The following MSI2 variants were observed in gnomAD, a reference collection of about 807,000 sequenced individuals.
MSI2 encodes the protein RNA-binding protein Musashi homolog 2.
MSI2 carries 17 observed loss-of-function variants against 45.6 expected under a neutral mutation model. That is an observed-to-expected ratio of 0.37 (90% CI 0.26 to 0.56). The LOEUF is 0.56. MSI2 is among the 20% of genes least tolerant of loss of function. MSI2 has a pLI of 0.77. For synonymous variants in MSI2, 156 were observed against 158.2 expected (o/e 0.99, Z 0.11); for missense variants, 293 against 444.2 (o/e 0.66, Z 3.06).
the MSI2 span, among the ~76,000 whole-genome samples, chr17:57,690,326 G>A: frequency 1.3e-5 from 2 of 151,896 alleles, no homozygotes; most frequent in Non-Finnish European, 2.9e-5. Context: ...TTAAAATTGG[G>A]TAGGGTGGGC....
chr17:57,602,974 T>C (rs962831678), intron 8 of MSI2, among the ~76,000 whole-genome samples: 4 of 152,220 alleles, frequency 2.6e-5, no homozygotes, highest in Non-Finnish European at 4.4e-5. Context: ...ACAGATAATG[T>C]GGGACTTGTG....
At chr17:57,350,547 C>A (rs566609716) in intron 5 of MSI2, among the ~76,000 whole-genome samples, 3 of 152,208 alleles carry the variant, frequency 2.0e-5, no homozygotes, top group African/African-American at 4.8e-5. Context: ...CTCCCTCCTC[C>A]CCAGCAGGGT....
intron 5 of MSI2, among the ~76,000 whole-genome samples, chr17:57,335,223 C>T (rs999667047): frequency 2.0e-5 from 3 of 151,662 alleles, no homozygotes; most frequent in African/African-American, 7.3e-5. Context: ...TTAGCTTTTC[C>T]TCTGAAGTGG....
intron 9 of MSI2, among the ~76,000 whole-genome samples, chr17:57,619,824 C>T (rs778758791): frequency 1.2e-4 from 18 of 152,200 alleles, no homozygotes; most frequent in Non-Finnish European, 1.6e-4. Flanking sequence ...GCTCTTCCCC[C>T]GTCTACTCAC....
chr17:57,289,260 C>T (rs1910195535), intron 5 of MSI2, among the ~76,000 whole-genome samples: 1 of 152,132 alleles, frequency 6.6e-6, no homozygotes, highest in Non-Finnish European at 1.5e-5. Flanking sequence ...ACGTTTCCAC[C>T]CAGGCCAGCA....
rs535784769 is a variant in MSI2 at position 57,319,956 on chromosome 17, G to T, written c.312+57764G>T. On this transcript the variant is annotated intron_variant, in intron 5 of 13. Coordinates refer to ENST00000284073, the MANE Select transcript of MSI2 (RefSeq NM_138962.4). ...TCAGTGGTAAAGTGGAGCGAGAGGG[G>T]CGACTGCAGCTCTCAGATCCCTTAT... 4.6e-5 allele frequency among the ~76,000 whole-genome samples: 7 copies of T among 152,214 alleles called. No individual in the cohort carries two copies. In the East Asian group the frequency reaches 1.4e-3, roughly 29 times the overall value.
At chr17:57,281,162 C>G (rs756376435) in intron 5 of MSI2, among the ~76,000 whole-genome samples, 3 of 152,060 alleles carry the variant, frequency 2.0e-5, no homozygotes, top group Non-Finnish European at 4.4e-5. Context: ...TCTGTGTGTG[C>G]TCAACCTATG....
chr17:57,310,833 T>C (rs1038715885), intron 5 of MSI2, among the ~76,000 whole-genome samples: 6 of 152,184 alleles, frequency 3.9e-5, no homozygotes, highest in Non-Finnish European at 8.8e-5. Context: ...TCACAGATGG[T>C]GTGGCAGCAC....
chr17:57,699,662 G>A, the MSI2 span, among the ~76,000 whole-genome samples: 2 of 152,156 alleles, frequency 1.3e-5, no homozygotes, highest in African/African-American at 4.8e-5. Context: ...TCTACCCCCT[G>A]GGAGATTAAA....
At chr17:57,635,711 A>G (rs922853859) in intron 10 of MSI2, among the ~76,000 whole-genome samples, 4 of 152,230 alleles carry the variant, frequency 2.6e-5, no homozygotes, top group Middle Eastern at 3.2e-3. Context: ...CTCTGGTTAT[A>G]AAAGTGCCAG....
chr17:57,650,269 C>G (rs1047068077), intron 10 of MSI2, among the ~76,000 whole-genome samples: 41 of 152,022 alleles, frequency 2.7e-4, no homozygotes, highest in Admixed American at 2.0e-4. Flanking sequence ...CTGTTTTCAG[C>G]GCATGGTAAG....
At chr17:57,624,272 C>T (rs144824139) in intron 9 of MSI2, among the ~76,000 whole-genome samples, 177 of 152,214 alleles carry the variant, frequency 1.2e-3, no homozygotes, top group African/African-American at 4.1e-3. Flanking sequence ...GCAAAGGAGC[C>T]ATTTTTCATC....
rs189549758 is a variant in MSI2, at chr17:57,581,953, G to A, written c.455-14915G>A. Among the ~76,000 whole-genome samples the A allele has an allele frequency of 2.7e-4, 41 of 152,314 alleles. 1 individual carries two copies. Among genetic ancestry groups the A allele is most frequent in the Admixed American group, 2.7e-3 (41 of 15,306 alleles). On this transcript the variant is annotated intron_variant, in intron 7 of 13. Coordinates refer to ENST00000284073, the MANE Select transcript of MSI2 (RefSeq NM_138962.4). ...TATTGAGACGAGTTCAGGTATGGCT[G>A]CCGTTAACATGCAGGAGACAAGCAT... is the stretch of plus-strand genomic sequence containing the variant.
At chr17:57,643,879 C>T (rs572071882) in intron 10 of MSI2, among the ~76,000 whole-genome samples, 133 of 152,378 alleles carry the variant, frequency 8.7e-4, no homozygotes, top group African/African-American at 2.7e-3. Flanking sequence ...GGACCTCTCT[C>T]CTTTAGGCAA....
chr17:57,397,175 G>T (rs2083906409), intron 5 of MSI2, among the ~76,000 whole-genome samples: 1 of 152,152 alleles, frequency 6.6e-6, no homozygotes, highest in Non-Finnish European at 1.5e-5. Context: ...AAGGCTGCAG[G>T]TTAGGAAACA....
At position 57,321,034 on chromosome 17, in the gene MSI2, G is replaced by A. The variant is rs76407039; in HGVS notation, c.312+58842G>A. ...TTCTGTACCACTCACCTGGAGCTAGGTGAGAAGGATTTAAGGATATCCACT... is the reference window on the plus strand; with the variant it reads ...TTCTGTACCACTCACCTGGAGCTAGATGAGAAGGATTTAAGGATATCCACT... On this transcript the variant is annotated intron_variant, in intron 5 of 13. Transcript: ENST00000284073. 2.3e-4 allele frequency among the ~76,000 whole-genome samples: 35 copies of A among 151,808 alleles called. No homozygotes were observed. The East Asian group carries it at 5.6e-3, about 24-fold the overall frequency.
chr17:57,667,573 C>A (rs543350874), intron 11 of MSI2, among the ~76,000 whole-genome samples: 62 of 152,316 alleles, frequency 4.1e-4, no homozygotes, highest in African/African-American at 1.5e-3. Flanking sequence ...TGGCCTTTCC[C>A]TTCCCGGGGC....
chr17:57,603,769 G>A (rs977836540), intron 8 of MSI2, among the ~76,000 whole-genome samples: 2 of 152,246 alleles, frequency 1.3e-5, no homozygotes, highest in African/African-American at 4.8e-5. Context: ...AAAACTCATG[G>A]CAGCTGGGTT....
At chr17:57,623,896 T>C (rs1423615228) in intron 9 of MSI2, among the ~76,000 whole-genome samples, 1 of 152,248 alleles carries the variant, frequency 6.6e-6, no homozygotes, top group Admixed American at 6.5e-5. Context: ...AAATTTATGA[T>C]TTCATCTGCC....
Sources: allele counts gnomAD v4.1 joint callset (sites outside exome capture counted in the v4.1 genomes callset), GRCh38; gene constraint gnomAD v4.1.1; transcripts MANE v1.5; gene names NCBI Gene and HGNC (gene_info 2026-07-23, HGNC 2026-07-21).